Variants in CASZ1 observed in about 807,000 individuals in gnomAD.
The protein encoded by CASZ1 is castor zinc finger 1, also known as zinc finger protein castor homolog 1.
In CASZ1, 28 loss-of-function variants were observed where a neutral mutation model predicts 135.2. That is an observed-to-expected ratio of 0.21 (90% confidence interval 0.15 to 0.28). CASZ1 has a LOEUF of 0.28. Among genes scored for constraint, CASZ1 ranks in the 10% least tolerant of loss-of-function variants. CASZ1 has a pLI of 1.00. For missense variants in CASZ1, 2,161 were observed against 2,453.3 expected (o/e 0.88, Z 2.52); for synonymous variants, 1,068 against 1,073.4 (o/e 0.99, Z 0.10).
At chr1:10,648,247 G>C in intron 15 of CASZ1, 108 bp from the exon 16 acceptor site, 1 of 796,772 alleles carries the variant, frequency 1.3e-6, no homozygotes. Context: ...GTCCCTACTC[G>C]TCCCCATCAC....
chr1:10,695,190 G>A (rs1638902153), intron 3 of CASZ1, among the ~76,000 whole-genome samples: 1 of 151,268 alleles, frequency 6.6e-6, no homozygotes, highest in Non-Finnish European at 1.5e-5. Context: ...GGCGGGGCAG[G>A]GCGCAGTCAG....
rs371844599 is a variant in CASZ1, at chr1:10,654,568, C to T, written c.1689G>A (p.Thr563=). 383 of 1,614,206 alleles carry T rather than the reference C, an allele frequency of 2.4e-4. No homozygotes were observed. The highest frequency in any genetic ancestry group is 2.9e-4 in the Non-Finnish European group (347 of 1,180,036). ...CGTGGGTCATCACGTCAGACGTGCT[C>T]GTGTACACCTTGTTACAGCCCACCT... is the stretch of plus-strand genomic sequence containing the variant. ...CMQVGCNKVY[T]STSDVMTHEN... The change falls in exon 10 of 21, where the codon ACG becomes ACA. Residue 563 remains threonine (T), a synonymous_variant. Coordinates refer to ENST00000377022, the MANE Select transcript of CASZ1 (RefSeq NM_001079843.3).
intron 9 of CASZ1, among the ~76,000 whole-genome samples, chr1:10,655,365 T>C (rs1403886009): frequency 1.3e-5 from 2 of 152,254 alleles, no homozygotes; most frequent in Non-Finnish European, 2.9e-5. Context: ...TGTTAAAGCC[T>C]GAAAAATGTC....
At chr1:10,772,804 C>T (rs205474) in intron 1 of CASZ1, among the ~76,000 whole-genome samples, 98,235 of 152,042 alleles carry the variant, frequency 0.65, 32,918 homozygotes, top group Non-Finnish European at 0.74. Flanking sequence ...CACTTTTACT[C>T]TGAGCATGAA....
intron 2 of CASZ1, among the ~76,000 whole-genome samples, chr1:10,729,353 G>C (rs993700121): frequency 6.6e-6 from 1 of 152,168 alleles, no homozygotes; most frequent in Non-Finnish European, 1.5e-5. Context: ...CTGGCACTGC[G>C]GGGCAGCCGG....
chr1:10,673,490 T>C (rs1272978209), intron 4 of CASZ1, among the ~76,000 whole-genome samples: 1 of 151,950 alleles, frequency 6.6e-6, no homozygotes, highest in Non-Finnish European at 1.5e-5. Flanking sequence ...CGCACTCTTG[T>C]GCTCACGCTG....
In CASZ1 at chr1:10,739,700, T is replaced by A. The variant is rs1416638350; in HGVS notation, c.-77+21001A>T. 1.3e-5 allele frequency among the ~76,000 whole-genome samples: 2 copies of A among 152,336 alleles called. No homozygotes were observed. The highest frequency in any genetic ancestry group is 3.4e-3 in the Middle Eastern group (1 of 294). ...ATGTCCCGGCCAGGGTGGCTCTGTG[T>A]CAAAGGCCCTGCAGCTCCTCCCTCC... is the stretch of plus-strand genomic sequence containing the variant. On this transcript the variant is annotated intron_variant, in intron 2 of 20. Transcript: ENST00000377022. The surrounding 1 kb of genome is among the most constrained non-coding windows in gnomAD (Gnocchi z 4.8).
At position 10,755,974 on chromosome 1, in the gene CASZ1, T is replaced by G. The variant is rs190065860; in HGVS notation, c.-77+4727A>C. 6.6e-6 allele frequency among the ~76,000 whole-genome samples: 1 copy of G among 151,768 alleles called. No individual in the cohort carries two copies. Among genetic ancestry groups the G allele is most frequent in the African/African-American group, 2.4e-5 (1 of 41,274 alleles). On this transcript the variant is annotated intron_variant, in intron 2 of 20. Transcript: ENST00000377022. The surrounding 1 kb of genome is among the most constrained non-coding windows in gnomAD (Gnocchi z 4.3). Reference sequence around the variant, plus strand: ...TTAGGAGTGAAGGTCACGGATCTAGTGCAGACCATAGAGGCGGAAAGCAGA... The same window carrying G: ...TTAGGAGTGAAGGTCACGGATCTAGGGCAGACCATAGAGGCGGAAAGCAGA...
chr1:10,647,583 C>T lies in CASZ1; in HGVS notation c.3497+218G>A. 7.0e-7 allele frequency: 1 copy of T among 1,423,088 alleles called. No individual in the cohort carries two copies. The highest frequency in any genetic ancestry group is 2.6e-5 in the East Asian group (1 of 38,820). 88.2% of individuals were successfully genotyped at this position (1,423,088 alleles called of 1,614,324 possible). A position where few individuals can be genotyped will look rare whatever the true frequency, so the allele number is the denominator to read the frequency against. ...GCAGGAGCAGTAGCCACTGCCGCCA[C>T]CATCGGCCCACGCGGGCTGGCCTGC... On this transcript the variant is annotated intron_variant, in intron 16 of 20. Transcript: ENST00000377022. The surrounding 1 kb of genome is among the most constrained non-coding windows in gnomAD (Gnocchi z 4.9).
At chr1:10,782,361 A>G (rs1640778236) in intron 1 of CASZ1, among the ~76,000 whole-genome samples, 1 of 152,248 alleles carries the variant, frequency 6.6e-6, no homozygotes, top group African/African-American at 2.4e-5. Flanking sequence ...GGCATCCATG[A>G]ACCCTCAACA....
At position 10,741,296 on chromosome 1, in the gene CASZ1, T is replaced by C. The variant is rs1251885344; in HGVS notation, c.-77+19405A>G. 6.6e-6 allele frequency among the ~76,000 whole-genome samples: 1 copy of C among 152,208 alleles called. No homozygotes were observed. The highest frequency in any genetic ancestry group is 1.5e-5 in the Non-Finnish European group (1 of 68,040). ...CTGCGCCTGGCTCTATATTGGGCTTTAAACGACATGAGGGCAGGGACTTGT... is the reference window on the plus strand; with the variant it reads ...CTGCGCCTGGCTCTATATTGGGCTTCAAACGACATGAGGGCAGGGACTTGT... On this transcript the variant is annotated intron_variant, in intron 2 of 20. Coordinates refer to ENST00000377022, the MANE Select transcript of CASZ1 (RefSeq NM_001079843.3). The surrounding 1 kb of genome is among the most constrained non-coding windows in gnomAD (Gnocchi z 5.0).
Position 10,648,010 on chromosome 1 carries a change from C to A in CASZ1, c.3288G>T (p.Thr1096=). 2 of 1,600,734 alleles carry A rather than the reference C, an allele frequency of 1.2e-6. No individual in the cohort carries two copies. Among genetic ancestry groups the A allele is most frequent in the South Asian group, 1.1e-5 (1 of 89,136 alleles). ...SPPVPPVTTA[T]VSSLEGPAPS... ...GAGCGGGCCCCTCCAGAGAGGACAC[C>A]GTGGCCGTGGTGACAGGAGGGACCG... The change falls in exon 16 of 21, where the codon ACG becomes ACT. Residue 1096 remains threonine (T), a synonymous_variant. Coordinates refer to ENST00000377022, the MANE Select transcript of CASZ1 (RefSeq NM_001079843.3).
rs1639921334 is a variant in CASZ1 at position 10,741,483 on chromosome 1, G to T, written c.-77+19218C>A. On this transcript the variant is annotated intron_variant, in intron 2 of 20. Coordinates refer to ENST00000377022, the MANE Select transcript of CASZ1 (RefSeq NM_001079843.3). This position sits in a 1 kb window ranked among gnomAD's most constrained non-coding sequence, Gnocchi z 5.0. ...GCACACAGCTCTCCAGTAAAGATGA[G>T]CATGGGCAGGGCTGGCGTGATGAGG... Among the ~76,000 whole-genome samples, 2 of 152,164 alleles carry T rather than the reference G, an allele frequency of 1.3e-5. No individual in the cohort carries two copies. Among genetic ancestry groups the T allele is most frequent in the African/African-American group, 4.8e-5 (2 of 41,416 alleles).
Position 10,724,017 on chromosome 1 carries a change from C to T in CASZ1, c.-76-18473G>A, listed in dbSNP as rs1003541555. Among the ~76,000 whole-genome samples, 9 of 152,210 alleles carry T rather than the reference C, an allele frequency of 5.9e-5. No individual in the cohort carries two copies. The highest frequency in any genetic ancestry group is 2.2e-4 in the African/African-American group (9 of 41,462). On this transcript the variant is annotated intron_variant, in intron 2 of 20. Coordinates refer to ENST00000377022, the MANE Select transcript of CASZ1 (RefSeq NM_001079843.3). This position sits in a 1 kb window ranked among gnomAD's most constrained non-coding sequence, Gnocchi z 4.1. ...ACCGCTAGCACCTGCCCCAGCCTCC[C>T]ATATCACTTTGGATTCCTGGTGAGG...
At chr1:10,781,481 C>G (rs1203411036) in intron 1 of CASZ1, among the ~76,000 whole-genome samples, 3 of 152,220 alleles carry the variant, frequency 2.0e-5, no homozygotes, top group African/African-American at 4.8e-5. Flanking sequence ...GGACTGCCAC[C>G]TGCACGTCCA....
intron 9 of CASZ1, 26 bp from the exon 10 acceptor site, chr1:10,654,617 G>A (rs1642726937): frequency 1.2e-6 from 2 of 1,605,104 alleles, no homozygotes; most frequent in African/African-American, 1.3e-5. Flanking sequence ...TGGTGGTCAG[G>A]CGAACGGAGG....
At chr1:10,782,089 T>G (rs1172155898) in intron 1 of CASZ1, among the ~76,000 whole-genome samples, 1 of 152,218 alleles carries the variant, frequency 6.6e-6, no homozygotes, top group East Asian at 1.9e-4. Flanking sequence ...CCTCTTGCCC[T>G]GCAGAAATAG....
intron 1 of CASZ1, among the ~76,000 whole-genome samples, chr1:10,787,650 C>T (rs548170900): frequency 6.6e-6 from 1 of 152,230 alleles, no homozygotes; most frequent in African/African-American, 2.4e-5. Flanking sequence ...CGCACGATCA[C>T]CCGCACACAC....
Position 10,666,864 on chromosome 1 carries a change from C to T in CASZ1, c.17-1293G>A, listed in dbSNP as rs1643253289. Among the ~76,000 whole-genome samples the T allele has an allele frequency of 6.6e-6, 1 of 152,264 alleles. No homozygotes were observed. The highest frequency in any genetic ancestry group is 2.1e-4 in the South Asian group (1 of 4,832). On this transcript the variant is annotated intron_variant, in intron 4 of 20. Transcript: ENST00000377022. The surrounding 1 kb of genome is among the most constrained non-coding windows in gnomAD (Gnocchi z 5.2). ...TCTGTCTGTCCGTCCATTTAGTGAG[C>T]TCCTTCTGTGGGCCAGACCCTGTGG... is the stretch of plus-strand genomic sequence containing the variant.
Sources: gnomAD v4.1 joint callset for allele counts (sites outside exome capture counted in the v4.1 genomes callset) on GRCh38, gnomAD v4.1.1 for gene constraint, Gnocchi (gnomAD v3.1) non-coding constraint, MANE v1.5 for transcripts, NCBI Gene and HGNC (gene_info 2026-07-23, HGNC 2026-07-21) for gene names.